The following SDCCAG8 variants were observed in gnomAD, a reference collection of about 807,000 sequenced individuals.
SDCCAG8 encodes SHH signaling and ciliogenesis regulator SDCCAG8.
SDCCAG8 carries 74 observed loss-of-function variants against 101.8 expected under a neutral mutation model. That is an observed-to-expected ratio of 0.73 (90% confidence interval 0.60 to 0.88). The LOEUF is 0.88. Ranked by LOEUF, SDCCAG8 falls within the 40% of genes least tolerant of loss-of-function variation. SDCCAG8 has a pLI of 0.00. For missense variants in SDCCAG8, 787 were observed against 822.6 expected, an observed-to-expected ratio of 0.96 and a Z score of 0.53; for synonymous variants, 281 against 292.9, an observed-to-expected ratio of 0.96 and a Z score of 0.41.
chr1:243,499,741 T>TATTA lies in SDCCAG8; in HGVS notation c.2113-14_2113-11dup, dbSNP rs777493329. ...ACATGAGCTATTGAAACTTACTTTT[T>TATTA]ATTATTTTTTCCAGTTACCCAGCAT... On this transcript the variant is annotated splice_polypyrimidine_tract_variant and intron_variant, in intron 17 of 17. Coordinates refer to ENST00000366541, the MANE Select transcript of SDCCAG8 (RefSeq NM_006642.5). 5 of 1,605,468 alleles carry TATTA rather than the reference T, an allele frequency of 3.1e-6. No individual in the cohort carries two copies. Among genetic ancestry groups the TATTA allele is most frequent in the Admixed American group, 1.7e-5 (1 of 59,998 alleles).
intron 16 of SDCCAG8, among the ~76,000 whole-genome samples, chr1:243,440,581 T>G (rs941762204): frequency 6.6e-6 from 1 of 152,144 alleles, no homozygotes; most frequent in Admixed American, 6.5e-5. Context: ...GTTGGAGCTG[T>G]GTGTAAGGCC....
At chr1:243,399,631 C>T (rs139944953) in intron 13 of SDCCAG8, among the ~76,000 whole-genome samples, 210 of 152,108 alleles carry the variant, frequency 1.4e-3, no homozygotes, top group African/African-American at 4.9e-3. Context: ...CTCAGCCTCC[C>T]GAGTAGCCAG....
At chr1:243,486,087 CTCT>C (rs899635811) in intron 16 of SDCCAG8, among the ~76,000 whole-genome samples, 57 of 150,212 alleles carry the variant, frequency 3.8e-4, no homozygotes, top group African/African-American at 1.3e-3. Context: ...ATTCCAGCTA[CTCT>C]ACTCGGGAGG....
chr1:243,423,170 A>T (rs2081123264), intron 15 of SDCCAG8, among the ~76,000 whole-genome samples: 1 of 152,206 alleles, frequency 6.6e-6, no homozygotes, highest in African/African-American at 2.4e-5. Flanking sequence ...GCAGAAAAAA[A>T]GATTGTTGCA....
At chr1:243,373,982 C>T (rs1321214439) in intron 12 of SDCCAG8, among the ~76,000 whole-genome samples, 1 of 151,922 alleles carries the variant, frequency 6.6e-6, no homozygotes, top group African/African-American at 2.4e-5. Context: ...GAAACTGAGG[C>T]AACATATAAT....
At chr1:243,480,861 TGGATGGATGGATGGGTG>T (rs1357115590) in intron 16 of SDCCAG8, among the ~76,000 whole-genome samples, 1 of 62,912 alleles carries the variant, frequency 1.6e-5, no homozygotes, top group Admixed American at 1.9e-4. Flanking sequence ...GATGGATGGG[TGGATGGATGGATGGGTG>T]GGATGGATGG....
intron 12 of SDCCAG8, among the ~76,000 whole-genome samples, chr1:243,363,265 G>A (rs1032405260): frequency 2.0e-5 from 3 of 152,294 alleles, no homozygotes; most frequent in Non-Finnish European, 4.4e-5. Flanking sequence ...CCAGACCATT[G>A]CCTTCTTCAA....
At chr1:243,332,391 A>G (rs1025850691) in intron 10 of SDCCAG8, among the ~76,000 whole-genome samples, 8 of 152,238 alleles carry the variant, frequency 5.3e-5, no homozygotes, top group African/African-American at 1.4e-4. Flanking sequence ...AGCAGAATAG[A>G]TGCCTGGAGA....
intron 13 of SDCCAG8, among the ~76,000 whole-genome samples, chr1:243,386,028 C>T (rs2078265618): frequency 6.6e-6 from 1 of 152,204 alleles, no homozygotes; most frequent in Non-Finnish European, 1.5e-5. Flanking sequence ...TACCACGCTA[C>T]ATGTAGCAGC....
At chr1:243,374,350 C>T (rs913927254) in intron 12 of SDCCAG8, among the ~76,000 whole-genome samples, 5 of 151,948 alleles carry the variant, frequency 3.3e-5, no homozygotes, top group African/African-American at 1.2e-4. Context: ...TCACTGAAAA[C>T]TGCGCACAAG....
intron 10 of SDCCAG8, among the ~76,000 whole-genome samples, chr1:243,338,089 TA>T (rs112171984): frequency 1.8e-3 from 265 of 146,972 alleles, no homozygotes; most frequent in Non-Finnish European, 9.8e-4. Context: ...CCTGGCTAAC[TA>T]AAAAAAAAAA....
At chr1:243,473,938 G>C (rs865940187) in intron 16 of SDCCAG8, among the ~76,000 whole-genome samples, 1 of 94,984 alleles carries the variant, frequency 1.1e-5, no homozygotes, top group Non-Finnish European at 2.2e-5. Context: ...GGGGGGGGGG[G>C]GCCGGGGGAG....
chr1:243,362,889 C>T (rs1438615148), intron 12 of SDCCAG8, among the ~76,000 whole-genome samples: 2 of 152,190 alleles, frequency 1.3e-5, no homozygotes. Context: ...ATTAAAACCC[C>T]TCATGGCACG....
intron 15 of SDCCAG8, among the ~76,000 whole-genome samples, chr1:243,419,045 T>G (rs2080803805): frequency 6.6e-6 from 1 of 152,072 alleles, no homozygotes; most frequent in African/African-American, 2.4e-5. Flanking sequence ...GCATATCTGA[T>G]CACTCTGAGC....
Position 243,499,784 on chromosome 1 carries a change from G to A in SDCCAG8, c.2141G>A (p.Ter714=). 6.2e-7 allele frequency: 1 copy of A among 1,612,738 alleles called. No individual in the cohort carries two copies. The highest frequency in any genetic ancestry group is 8.5e-7 in the Non-Finnish European group (1 of 1,179,078). Reference sequence around the variant, plus strand: ...CCCAGCATGCCACAATCTGATTGCTGACCTGGATGGAACAGAGTGAAATAA... The same window carrying A: ...CCCAGCATGCCACAATCTGATTGCTAACCTGGATGGAACAGAGTGAAATAA... The part of the protein sequence containing the change: ...QLPSMPQSDC[*] The change falls in exon 18 of 18, where the codon TGA becomes TAA. Residue 714 remains the stop codon, a stop_retained_variant. Transcript: ENST00000366541.
intron 5 of SDCCAG8, among the ~76,000 whole-genome samples, chr1:243,287,550 T>C (rs1345512259): frequency 6.6e-6 from 1 of 152,184 alleles, no homozygotes; most frequent in Admixed American, 6.5e-5. Flanking sequence ...TCAGTTTAAT[T>C]TTCTGCAATT....
rs368801248 is a variant in SDCCAG8, at chr1:243,270,211, T to C, written c.174T>C (p.Asn58=). The change falls in exon 2 of 18, where the codon AAT becomes AAC. Residue 58 remains asparagine, a synonymous_variant. Transcript: ENST00000366541. ...PNLSFSTSVG[N]EDARTAWPEL... ...TTTCTTTTAGCACCAGTGTGGGAAA[T>C]GAGGACGCCAGGACAGCCTGGCCCG... 6.2e-7 allele frequency: 1 copy of C among 1,614,138 alleles called. No individual in the cohort carries two copies. Among genetic ancestry groups the C allele is most frequent in the Non-Finnish European group, 8.5e-7 (1 of 1,180,022 alleles).
At chr1:243,324,157 C>T (rs1181100855) in intron 9 of SDCCAG8, among the ~76,000 whole-genome samples, 1 of 152,122 alleles carries the variant, frequency 6.6e-6, no homozygotes, top group African/African-American at 2.4e-5. Context: ...ATGGATGATA[C>T]ACTGCTGGCG....
chr1:243,484,846 C>T (rs1193538933), intron 16 of SDCCAG8, among the ~76,000 whole-genome samples: 1 of 152,116 alleles, frequency 6.6e-6, no homozygotes, highest in Non-Finnish European at 1.5e-5. Context: ...GAGTTAGAGA[C>T]CAGCCTGGCC....
Sources: allele counts gnomAD v4.1 joint callset (sites outside exome capture counted in the v4.1 genomes callset), GRCh38; gene constraint gnomAD v4.1.1; transcripts MANE v1.5; gene names NCBI Gene and HGNC (gene_info 2026-07-23, HGNC 2026-07-21).